FLNC: variants seen among roughly 807,000 people sequenced by gnomAD.
FLNC encodes the protein filamin C.
In FLNC, 91 loss-of-function variants were observed where a neutral mutation model predicts 254.3. The observed-to-expected ratio is 0.36, with a 90% CI of 0.30 to 0.43. The LOEUF is 0.43. FLNC is among the 20% of genes least tolerant of loss of function. The pLI is 1.00. For synonymous variants in FLNC, 1,430 were observed against 1,577.2 expected (o/e 0.91, Z 2.21); for missense variants, 2,853 against 3,802.6 (o/e 0.75, Z 6.57).
Position 128,856,059 on chromosome 7 carries a change from C to T in FLNC, c.7252-459C>T, listed in dbSNP as rs867011794. On this transcript the variant is annotated intron_variant, in intron 43 of 47. Transcript: ENST00000325888. This position sits in a 1 kb window ranked among gnomAD's most constrained non-coding sequence, Gnocchi z 5.9. ...CCTGAACTGGGCTCCCCGATGCAGGCTCCAATCCCTCCCCCAGAGCCCTTC... is the reference window on the plus strand; with the variant it reads ...CCTGAACTGGGCTCCCCGATGCAGGTTCCAATCCCTCCCCCAGAGCCCTTC... 1.3e-5 allele frequency among the ~76,000 whole-genome samples: 2 copies of T among 152,188 alleles called. No individual in the cohort carries two copies. Among genetic ancestry groups the T allele is most frequent in the Admixed American group, 6.5e-5 (1 of 15,284 alleles).
chr7:128,844,874 G>A lies in FLNC; in HGVS notation c.3409G>A (p.Glu1137Lys). The A allele has an allele frequency of 6.2e-7, 1 of 1,614,052 alleles. No homozygotes were observed. The highest frequency in any genetic ancestry group is 8.5e-7 in the Non-Finnish European group (1 of 1,180,030). Residue 1137 changes from glutamate (E) to lysine (K), a missense_variant, in exon 21 of 48, where the codon GAG becomes AAG. Glu to Lys is a moderately conservative substitution (Grantham distance 56, BLOSUM62 1). This residue lies in a region of FLNC where 1,573 missense variants were observed against 1,883.5 expected (regional missense o/e 0.84). Coordinates refer to ENST00000325888, the MANE Select transcript of FLNC (RefSeq NM_001458.5). Reference protein sequence around the residue: ...GEYTINILFAEAHIPGSPFKA... With the variant: ...GEYTINILFAKAHIPGSPFKA... The stretch of plus-strand genomic sequence containing the variant: ...GTACACCATCAACATCCTGTTTGCT[G>A]AGGCCCACATCCCTGGCTCGCCCTT...
Position 128,846,911 on chromosome 7 carries a change from CAG to C in FLNC, c.4288+13_4288+14del, listed in dbSNP as rs780733285. On this transcript the variant is annotated splice_region_variant and intron_variant, in intron 24 of 47. Transcript: ENST00000325888. ...CGGGGGGCGGCCCATCCCAGGTGTG[CAG>C]AGAGAGTGGTCGGGGTCTCAGGGAA... 2.1e-5 allele frequency: 34 copies of C among 1,614,014 alleles called. No individual in the cohort carries two copies. In the Admixed American group the frequency reaches 5.2e-4, roughly 25 times the overall value.
chr7:128,844,336 G>A, intron 20 of FLNC, 70 bp downstream of exon 20: 1 of 1,511,152 alleles, frequency 6.6e-7, no homozygotes, highest in Non-Finnish European at 8.9e-7. Flanking sequence ...GTCATAGGGG[G>A]CAGAGGCCAG....
At chr7:128,834,132 A>G (rs1385096007) in intron 1 of FLNC, among the ~76,000 whole-genome samples, 3 of 152,228 alleles carry the variant, frequency 2.0e-5, no homozygotes, top group South Asian at 4.1e-4. Flanking sequence ...GGGCAACATC[A>G]GTAAACAAGA....
Position 128,830,667 on chromosome 7 carries a change from C to G in FLNC, c.30C>G (p.Ala10=), listed in dbSNP as rs764501806. 6.2e-7 allele frequency: 1 copy of G among 1,612,506 alleles called. No homozygotes were observed. Among genetic ancestry groups the G allele is most frequent in the South Asian group, 1.1e-5 (1 of 91,080 alleles). Residue 10 remains alanine, a synonymous_variant, in exon 1 of 48, where the codon GCC becomes GCG. Coordinates refer to ENST00000325888, the MANE Select transcript of FLNC (RefSeq NM_001458.5). The part of the protein sequence containing the change: MMNNSGYSD[A]GLGLGDETDE... Reference sequence around the variant, plus strand: ...TGAACAACAGCGGCTACTCAGACGCCGGCCTCGGCCTGGGCGATGAGACAG... The same window carrying G: ...TGAACAACAGCGGCTACTCAGACGCGGGCCTCGGCCTGGGCGATGAGACAG...
Position 128,841,631 on chromosome 7 carries a change from CAGGCCAGAGGCAG to C in FLNC, c.2121+70_2121+82del. ...TGGCAGGGACCCTGGAAGGCAGGGC[CAGGCCAGAGGCAG>C]AGGCCTCCCAGCAGGAAATGACAGC... On this transcript the variant is annotated intron_variant, in intron 13 of 47. Transcript: ENST00000325888. This position sits in a 1 kb window ranked among gnomAD's most constrained non-coding sequence, Gnocchi z 4.3. The C allele has an allele frequency of 2.3e-6, 3 of 1,293,112 alleles. No individual in the cohort carries two copies. The highest frequency in any genetic ancestry group is 3.4e-6 in the Non-Finnish European group (3 of 887,760). The allele number at this position is 1,293,112 out of a possible 1,614,324, so 80.1% of individuals were successfully genotyped here. A position where few individuals can be genotyped will look rare whatever the true frequency, so the allele number is the denominator to read the frequency against.
At position 128,854,046 on chromosome 7, in the gene FLNC, C is replaced by T; in HGVS notation, c.6557C>T (p.Thr2186Ile). The T allele has an allele frequency of 6.2e-7, 1 of 1,613,284 alleles. No individual in the cohort carries two copies. Among genetic ancestry groups the T allele is most frequent in the Non-Finnish European group, 8.5e-7 (1 of 1,179,998 alleles). ...RTFTRSSHTY[T>I]RTERTEISKT... ...TTCACACGCAGCAGCCACACCTACA[C>T]CCGCACGGAGCGCACGGAGATCAGC... The change falls in exon 40 of 48, where the codon ACC (threonine) becomes ATC (isoleucine). Residue 2186 changes from threonine to isoleucine, a missense_variant. Thr to Ile is a moderately conservative substitution (Grantham distance 89). Around this residue, in one of 10 missense-constraint regions of FLNC, gnomAD observed 551 missense variants for 835.0 expected, o/e 0.66. Transcript: ENST00000325888.
At chr7:128,855,470 C>A (rs183791356) in intron 43 of FLNC, among the ~76,000 whole-genome samples, 156 bp downstream of exon 43, 1 of 152,162 alleles carries the variant, frequency 6.6e-6, no homozygotes, top group African/African-American at 2.4e-5. Context: ...CCCTTGGGGA[C>A]GGTGGGCTCC....
At position 128,843,827 on chromosome 7, in the gene FLNC, G is replaced by A. The variant is rs373298499; in HGVS notation, c.2843G>A (p.Gly948Glu). ...ATGGCAGTGACAGTGACTTATGGCG[G>A]GGACCCTGTCCCCAAGAGCCCCTTT... The part of the protein sequence containing the change: ...GNMAVTVTYG[G>E]DPVPKSPFVV... The change falls in exon 19 of 48, where the codon GGG (glycine) becomes GAG (glutamate). Residue 948 changes from glycine (G) to glutamate (E), a missense_variant. Transcript: ENST00000325888. 8.7e-6 allele frequency: 14 copies of A among 1,613,782 alleles called. No individual in the cohort carries two copies. The African/African-American group carries it at 1.7e-4, about 20-fold the overall frequency.
rs770333344 is a variant in FLNC, at chr7:128,842,751, CG to C, written c.2390-38del. On this transcript the variant is annotated intron_variant, in intron 15 of 47. Coordinates refer to ENST00000325888, the MANE Select transcript of FLNC (RefSeq NM_001458.5). The surrounding 1 kb of genome is among the most constrained non-coding windows in gnomAD (Gnocchi z 5.4). The stretch of plus-strand genomic sequence containing the variant: ...GGGAGGGGGCGGGGGTGAGTCGAGT[CG>C]GGGGCTGAGCCCAACTCACAGCAGT... 2 of 1,604,718 alleles carry C rather than the reference CG, an allele frequency of 1.2e-6. No homozygotes were observed. Among genetic ancestry groups the C allele is most frequent in the Non-Finnish European group, 1.7e-6 (2 of 1,176,154 alleles).
Position 128,830,949 on chromosome 7 carries a change from C to A in FLNC, c.312C>A (p.Leu104=). The A allele has an allele frequency of 6.2e-7, 1 of 1,611,186 alleles. No individual in the cohort carries two copies. Among genetic ancestry groups the A allele is most frequent in the Non-Finnish European group, 8.5e-7 (1 of 1,179,956 alleles). The change falls in exon 1 of 48, where the codon CTC becomes CTA. Residue 104 remains leucine (L), a synonymous_variant. Coordinates refer to ENST00000325888, the MANE Select transcript of FLNC (RefSeq NM_001458.5). ...AGCTGGAGAACGTGTCCGTGGCCCT[C>A]GAGTTCCTCGAGCGCGAGCACATCA... is the stretch of plus-strand genomic sequence containing the variant. ...QMKLENVSVA[L]EFLEREHIKL... is the part of the protein sequence containing the mutation.
In FLNC at chr7:128,849,698, G is replaced by T. The variant is rs189028453; in HGVS notation, c.5199+120G>T. On this transcript the variant is annotated intron_variant, in intron 30 of 47. Transcript: ENST00000325888. ...ATCCCACTTCTCTGAGGGCTCCTGG[G>T]GCCAGAGTGCTCCAGGATGGAGCCT... The T allele has an allele frequency of 4.0e-4, 537 of 1,329,632 alleles. 4 individuals carry two copies. The African/African-American group carries it at 7.0e-3, about 17-fold the overall frequency. 82.4% of individuals were successfully genotyped at this position (1,329,632 alleles called of 1,614,324 possible).
intron 20 of FLNC, 120 bp from the exon 21 acceptor site, chr7:128,844,538 G>A: frequency 9.6e-7 from 1 of 1,043,676 alleles, no homozygotes; most frequent in Non-Finnish European, 1.5e-6. Flanking sequence ...ACCTGGGATT[G>A]TTATAAGCAC....
In FLNC at chr7:128,842,550, C is replaced by T. The variant is rs775042682; in HGVS notation, c.2266-25C>T. ...GGATGAGCCTTGAGGGAGGGCACCACGCTGAGCTGCGACCCCTCCCGCAGG... is the reference window on the plus strand; with the variant it reads ...GGATGAGCCTTGAGGGAGGGCACCATGCTGAGCTGCGACCCCTCCCGCAGG... On this transcript the variant is annotated intron_variant, in intron 14 of 47. Coordinates refer to ENST00000325888, the MANE Select transcript of FLNC (RefSeq NM_001458.5). This position sits in a 1 kb window ranked among gnomAD's most constrained non-coding sequence, Gnocchi z 5.4. 90 of 1,548,016 alleles carry T rather than the reference C, an allele frequency of 5.8e-5. No homozygotes were observed. The highest frequency in any genetic ancestry group is 2.2e-4 in the Middle Eastern group (1 of 4,540).
At position 128,837,486 on chromosome 7, in the gene FLNC, A is replaced by C; in HGVS notation, c.788A>C (p.Lys263Thr). The C allele has an allele frequency of 6.2e-7, 1 of 1,614,210 alleles. No individual in the cohort carries two copies. The highest frequency in any genetic ancestry group is 2.2e-5 in the East Asian group (1 of 44,886). ...YLSQFPKAKL[K>T]PGAPVRSKQL... The stretch of plus-strand genomic sequence containing the variant: ...TCCCAGTTCCCCAAGGCCAAGCTCA[A>C]ACCTGGTGCCCCTGTTCGATCCAAG... Residue 263 changes from lysine (K) to threonine (T), a missense_variant, in exon 4 of 48, where the codon AAA becomes ACA. This residue lies in a region of FLNC where 1,573 missense variants were observed against 1,883.5 expected (regional missense o/e 0.84). Coordinates refer to ENST00000325888, the MANE Select transcript of FLNC (RefSeq NM_001458.5).
rs1808189981 is a variant in FLNC at position 128,838,394 on chromosome 7, C to A, written c.1175C>A (p.Ala392Asp). 6.2e-6 allele frequency: 10 copies of A among 1,612,542 alleles called. No homozygotes were observed. Among genetic ancestry groups the A allele is most frequent in the Non-Finnish European group, 8.5e-6 (10 of 1,179,524 alleles). ...GPGLEPVGNV[A>D]NKPTYFDIYT... ...GGCCTGGAACCTGTGGGCAATGTGG[C>A]CAACAAACCCACCTACTTTGACATC... is the stretch of plus-strand genomic sequence containing the variant. Residue 392 changes from alanine (A) to aspartate (D), a missense_variant, in exon 7 of 48, where the codon GCC becomes GAC. Coordinates refer to ENST00000325888, the MANE Select transcript of FLNC (RefSeq NM_001458.5).
Position 128,842,081 on chromosome 7 carries a change from G to A in FLNC, c.2122-150G>A, listed in dbSNP as rs1808354526. ...GTGGGCTCTGGCCGCCAGAGCACGT[G>A]GCCCTGGGCTCTGGTGGCCTCAGTG... is the stretch of plus-strand genomic sequence containing the variant. On this transcript the variant is annotated intron_variant, in intron 13 of 47. Transcript: ENST00000325888. This position sits in a 1 kb window ranked among gnomAD's most constrained non-coding sequence, Gnocchi z 5.4. 3.8e-6 allele frequency: 3 copies of A among 781,998 alleles called. No individual in the cohort carries two copies. In the Admixed American group the frequency reaches 6.6e-5, roughly 17 times the overall value. The allele number at this position is 781,998 out of a possible 1,614,324, so 48.4% of individuals were successfully genotyped here. A position where few individuals can be genotyped will look rare whatever the true frequency, so the allele number is the denominator to read the frequency against.
Position 128,844,041 on chromosome 7 carries a change from C to A in FLNC, c.2967C>A (p.Asn989Lys), listed in dbSNP as rs775727204. The A allele has an allele frequency of 1.4e-5, 22 of 1,614,022 alleles. No homozygotes were observed. In the Admixed American group the frequency reaches 1.5e-4, roughly 11 times the overall value. The change falls in exon 20 of 48, where the codon AAC becomes AAA. Residue 989 changes from asparagine (N) to lysine (K), a missense_variant. By Grantham distance (94) the Asn-to-Lys change is moderately conservative (BLOSUM62 0). Around this residue, in one of 10 missense-constraint regions of FLNC, gnomAD observed 1,573 missense variants for 1,883.5 expected, o/e 0.84. Transcript: ENST00000325888. Reference protein sequence around the residue: ...AVGQEQAFSVNTRGAGGQGQL... With the variant: ...AVGQEQAFSVKTRGAGGQGQL... ...GACAGGAACAAGCATTCTCTGTGAA[C>A]ACACGAGGGGCTGGCGGTCAGGGCC...
chr7:128,850,308 T>C (rs1808752889), intron 31 of FLNC, 76 bp from the exon 32 acceptor site: 1 of 1,252,896 alleles, frequency 8.0e-7, no homozygotes, highest in African/African-American at 1.5e-5. Context: ...TTCCTCACTC[T>C]CCAGCTTCAG....
Sources: gnomAD v4.1 joint callset for allele counts (sites outside exome capture counted in the v4.1 genomes callset) on GRCh38, gnomAD v4.1.1 for gene constraint, gnomAD v4.1.1 regional missense constraint, Gnocchi (gnomAD v3.1) non-coding constraint, MANE v1.5 for transcripts, NCBI Gene and HGNC (gene_info 2026-07-23, HGNC 2026-07-21) for gene names.